MUC5AC: variants seen among roughly 807,000 people sequenced by gnomAD.
MUC5AC encodes mucin 5AC, oligomeric mucus/gel-forming, also known as mucin-5AC.
Under a neutral mutation model 169.7 loss-of-function variants are expected in MUC5AC, and 158 were observed. The observed-to-expected ratio is 0.93, with a 90% CI of 0.82 to 1.06. The LOEUF (loss-of-function observed/expected upper bound fraction) is 1.06, where lower values mean the gene tolerates loss of function less well. Ranked by LOEUF, MUC5AC falls within the 50% of genes least tolerant of loss-of-function variation. The pLI is 0.00. For missense variants in MUC5AC, 4,359 were observed against 3,089.9 expected (o/e 1.41, Z -9.74); for synonymous variants, 1,975 against 1,237.0 (o/e 1.60, Z -12.52).
In MUC5AC at chr11:1,185,957, A is replaced by G; in HGVS notation, c.7812A>G (p.Ile2604Met). Residue 2604 changes from isoleucine to methionine, a missense_variant, in exon 31 of 49, where the codon ATA (isoleucine) becomes ATG (methionine). Coordinates refer to ENST00000621226, the MANE Select transcript of MUC5AC (RefSeq NM_001304359.2). Reference sequence around the variant, plus strand: ...CCAGTGCTGTTCCCACCACCAGCATAACCTCTGCACCTACAACCAGCACAA... The same window carrying G: ...CCAGTGCTGTTCCCACCACCAGCATGACCTCTGCACCTACAACCAGCACAA... ...TTPSAVPTTS[I>M]TSAPTTSTNS... 2 of 738,880 alleles carry G rather than the reference A, an allele frequency of 2.7e-6. No individual in the cohort carries two copies. The highest frequency in any genetic ancestry group is 2.5e-6 in the Non-Finnish European group (1 of 404,942). The allele number at this position is 738,880 out of a possible 1,614,324, so 45.8% of individuals were successfully genotyped here.
At position 1,163,925 on chromosome 11, in the gene MUC5AC, G is replaced by T; in HGVS notation, c.723G>T (p.Met241Ile). The change falls in exon 7 of 49, where the codon ATG becomes ATT. Residue 241 changes from methionine to isoleucine, a missense_variant. By Grantham distance (10) the Met-to-Ile change is conservative. Coordinates refer to ENST00000621226, the MANE Select transcript of MUC5AC (RefSeq NM_001304359.2). ...TPMEFGNLQK[M>I]DDPTDQCQDP... Reference sequence around the variant, plus strand: ...TGGAATTCGGGAACCTGCAGAAGATGGACGACCCCACGGACCAGTGTCAGG... The same window carrying T: ...TGGAATTCGGGAACCTGCAGAAGATTGACGACCCCACGGACCAGTGTCAGG... 1 of 1,611,376 alleles carries T rather than the reference G, an allele frequency of 6.2e-7. No homozygotes were observed. Among genetic ancestry groups the T allele is most frequent in the Non-Finnish European group, 8.5e-7 (1 of 1,179,416 alleles).
At chr11:1,179,368 A>C in intron 26 of MUC5AC, 120 bp downstream of exon 26, 1 of 462,806 alleles carries the variant, frequency 2.2e-6, no homozygotes, top group Non-Finnish European at 3.8e-6. Context: ...AATAAACAGA[A>C]ACACCTGGGC....
rs372686872 is a variant in MUC5AC at position 1,194,190 on chromosome 11, G to T, written c.14836G>T (p.Val4946Leu). 1.3e-6 allele frequency: 1 copy of T among 765,080 alleles called. No homozygotes were observed. The highest frequency in any genetic ancestry group is 2.4e-6 in the Non-Finnish European group (1 of 417,864). The allele number at this position is 765,080 out of a possible 1,614,324, so 47.4% of individuals were successfully genotyped here. A position where few individuals can be genotyped will look rare whatever the true frequency, so the allele number is the denominator to read the frequency against. The change falls in exon 34 of 49, where the codon GTG becomes TTG. Residue 4946 changes from valine (V) to leucine (L), a missense_variant. Transcript: ENST00000621226. ...YYTFLDNCTY[V>L]LVQQIVPVYG... ...CACCTTCCTGGACAACTGCACGTACGTGCTGGTGCAGCAGATTGTGCCCGT... is the reference window on the plus strand; with the variant it reads ...CACCTTCCTGGACAACTGCACGTACTTGCTGGTGCAGCAGATTGTGCCCGT...
chr11:1,177,311 C>T lies in MUC5AC; in HGVS notation c.2874C>T (p.Thr958=). 1 of 457,728 alleles carries T rather than the reference C, an allele frequency of 2.2e-6. No homozygotes were observed. The highest frequency in any genetic ancestry group is 3.2e-5 in the Admixed American group (1 of 30,902). The allele number at this position is 457,728 out of a possible 1,614,324, so 28.4% of individuals were successfully genotyped here. A position where few individuals can be genotyped will look rare whatever the true frequency, so the allele number is the denominator to read the frequency against. Residue 958 remains threonine (T), a synonymous_variant, in exon 23 of 49, where the codon ACC becomes ACT. Coordinates refer to ENST00000621226, the MANE Select transcript of MUC5AC (RefSeq NM_001304359.2). The part of the protein sequence containing the change: ...TENVPCGTTG[T]TCSKAIKIFL... Reference sequence around the variant, plus strand: ...ACGTCCCCTGCGGCACCACAGGGACCACCTGCTCCAAGGCCATCAAGATTT... The same window carrying T: ...ACGTCCCCTGCGGCACCACAGGGACTACCTGCTCCAAGGCCATCAAGATTT...
At chr11:1,171,538 C>CACGA (rs1860536754) in intron 15 of MUC5AC, among the ~76,000 whole-genome samples, 1 of 143,352 alleles carries the variant, frequency 7.0e-6, no homozygotes, top group African/African-American at 2.6e-5. Flanking sequence ...CTCACCCACT[C>CACGA]ACTCACCTAC....
Position 1,188,468 on chromosome 11 carries a change from C to G in MUC5AC, c.10323C>G (p.Ser3441=). 1 of 648,802 alleles carries G rather than the reference C, an allele frequency of 1.5e-6. No individual in the cohort carries two copies. The highest frequency in any genetic ancestry group is 1.8e-5 in the African/African-American group (1 of 55,616). The allele number at this position is 648,802 out of a possible 1,614,324, so 40.2% of individuals were successfully genotyped here. ...ISAPTTSTTS[S]PTTSTTSATT... ...CCCCTACAACCAGCACAACCTCTTC[C>G]CCTACAACCAGCACAACCTCTGCTA... Residue 3441 remains serine (S), a synonymous_variant, in exon 31 of 49, where the codon TCC becomes TCG. Transcript: ENST00000621226.
At position 1,168,945 on chromosome 11, in the gene MUC5AC, T is replaced by G. The variant is rs369036603; in HGVS notation, c.1789T>G (p.Phe597Val). The G allele has an allele frequency of 8.7e-6, 14 of 1,611,486 alleles. No individual in the cohort carries two copies. The Admixed American group carries it at 1.7e-4, about 19-fold the overall frequency. ...GVVEATAAAFFNTFKTQAACP... is the reference protein window; with the variant it reads ...GVVEATAAAFVNTFKTQAACP... ...GGTGGAGGCCACCGCTGCGGCCTTC[T>G]TCAACACCTTCAAGACCCAGGCCGC... The change falls in exon 15 of 49, where the codon TTC becomes GTC. Residue 597 changes from phenylalanine (F) to valine (V), a missense_variant. By Grantham distance (50) the Phe-to-Val change is conservative. Transcript: ENST00000621226.
In MUC5AC at chr11:1,162,043, G is replaced by A. The variant is rs771694004; in HGVS notation, c.348G>A (p.Glu116=). 6.2e-7 allele frequency: 1 copy of A among 1,612,496 alleles called. No homozygotes were observed. Among genetic ancestry groups the A allele is most frequent in the African/African-American group, 1.3e-5 (1 of 74,922 alleles). The stretch of plus-strand genomic sequence containing the variant: ...CCGAGCACTGCGGTGCCGCCTACGA[G>A]GATTTTAACATCCAGCTACGCCGCA... ...VFSEHCGAAY[E]DFNIQLRRSQ... is the part of the protein sequence containing the mutation. The change falls in exon 4 of 49, where the codon GAG becomes GAA. Residue 116 remains glutamate (E), a synonymous_variant. Transcript: ENST00000621226.
chr11:1,162,384 C>T, intron 4 of MUC5AC, 148 bp from the exon 5 acceptor site: 2 of 1,018,724 alleles, frequency 2.0e-6, no homozygotes, highest in Non-Finnish European at 2.9e-6. Flanking sequence ...CTCCTCGTGA[C>T]CCCCGAGCTC....
At position 1,194,196 on chromosome 11, in the gene MUC5AC, G is replaced by C. The variant is rs1454634701; in HGVS notation, c.14842G>C (p.Val4948Leu). The C allele has an allele frequency of 1.3e-6, 1 of 765,078 alleles. No individual in the cohort carries two copies. The highest frequency in any genetic ancestry group is 1.3e-5 in the South Asian group (1 of 74,626). 47.4% of individuals were successfully genotyped at this position (765,078 alleles called of 1,614,324 possible). ...TFLDNCTYVL[V>L]QQIVPVYGHF... is the part of the protein sequence containing the mutation. ...CCTGGACAACTGCACGTACGTGCTG[G>C]TGCAGCAGATTGTGCCCGTGTATGG... The change falls in exon 34 of 49, where the codon GTG (valine) becomes CTG (leucine). Residue 4948 changes from valine (V) to leucine (L), a missense_variant. By Grantham distance (32) the Val-to-Leu change is conservative. Transcript: ENST00000621226.
chr11:1,170,988 CTACTCACTCA>C, intron 15 of MUC5AC, among the ~76,000 whole-genome samples: 1 of 90,034 alleles, frequency 1.1e-5, no homozygotes. Flanking sequence ...CCCCACTCAC[CTACTCACTCA>C]CCCACTCACC....
In MUC5AC at chr11:1,161,583, C is replaced by A; in HGVS notation, c.208C>A (p.Arg70=). The A allele has an allele frequency of 6.2e-7, 1 of 1,609,798 alleles. No homozygotes were observed. Among genetic ancestry groups the A allele is most frequent in the Non-Finnish European group, 8.5e-7 (1 of 1,178,040 alleles). ...FPSLRTIPVV[R]ASNPAHNGRV... is the part of the protein sequence containing the mutation. ...ATCTCTGAGGACCATCCCTGTGGTA[C>A]GAGGTGAGTGGAGCCCGGAGGCCTG... The change falls in exon 3 of 49, where the codon CGA becomes AGA. Residue 70 remains arginine (R), a synonymous_variant. Transcript: ENST00000621226.
Position 1,196,927 on chromosome 11 carries a change from C to T in MUC5AC, c.15861+19C>T, listed in dbSNP as rs769950072. 9.2e-6 allele frequency: 7 copies of T among 760,258 alleles called. No homozygotes were observed. In the South Asian group the frequency reaches 9.5e-5, roughly 10 times the overall value. 47.1% of individuals were successfully genotyped at this position (760,258 alleles called of 1,614,324 possible). On this transcript the variant is annotated intron_variant, in intron 40 of 48. Transcript: ENST00000621226. The stretch of plus-strand genomic sequence containing the variant: ...GGTGAAGGTGAGTGGAAGGCATGGC[C>T]CAAGAGGGCACTGGGGTCCAAGAGC...
chr11:1,194,016 G>C, intron 33 of MUC5AC, 94 bp from the exon 34 acceptor site: 1 of 703,958 alleles, frequency 1.4e-6, no homozygotes, highest in Non-Finnish European at 2.6e-6. Context: ...GACGGTGGGG[G>C]GTCAGGGACA....
intron 48 of MUC5AC, 134 bp from the exon 49 acceptor site, chr11:1,200,304 G>A: frequency 1.7e-6 from 1 of 601,248 alleles, no homozygotes; most frequent in Non-Finnish European, 3.0e-6. Context: ...AAGGAGAGCT[G>A]GTTGTCAGAC....
rs770642575 is a variant in MUC5AC, at chr11:1,165,293, C to A, written c.1130-9C>A. 1.9e-6 allele frequency: 3 copies of A among 1,609,750 alleles called. No homozygotes were observed. Among genetic ancestry groups the A allele is most frequent in the South Asian group, 1.1e-5 (1 of 90,776 alleles). On this transcript the variant is annotated splice_polypyrimidine_tract_variant and intron_variant, in intron 9 of 48. Transcript: ENST00000621226. ...AGGCGCCCGTCATAGGCCTGCCTGA[C>A]CCCTGCAGGGACGGTGCTTGACGAC...
chr11:1,169,343 G>A (rs62653083), intron 15 of MUC5AC, among the ~76,000 whole-genome samples: 6 of 149,108 alleles, frequency 4.0e-5, no homozygotes, highest in Non-Finnish European at 7.5e-5. Context: ...TCACCCACCC[G>A]TTCACCCATT....
In MUC5AC at chr11:1,190,752, T is replaced by C; in HGVS notation, c.12607T>C (p.Ser4203Pro). 1 of 703,590 alleles carries C rather than the reference T, an allele frequency of 1.4e-6. No individual in the cohort carries two copies. The highest frequency in any genetic ancestry group is 2.6e-6 in the Non-Finnish European group (1 of 385,796). 43.6% of individuals were successfully genotyped at this position (703,590 alleles called of 1,614,324 possible). A position where few individuals can be genotyped will look rare whatever the true frequency, so the allele number is the denominator to read the frequency against. ...TISSPTSSTT[S>P]TPQTSKTSAA... is the part of the protein sequence containing the mutation. ...CTCTTCCCCTACAAGCAGCACAACCTCCACTCCACAGACCAGCAAAACCTC... is the reference window on the plus strand; with the variant it reads ...CTCTTCCCCTACAAGCAGCACAACCCCCACTCCACAGACCAGCAAAACCTC... Residue 4203 changes from serine to proline, a missense_variant, in exon 31 of 49, where the codon TCC becomes CCC. Coordinates refer to ENST00000621226, the MANE Select transcript of MUC5AC (RefSeq NM_001304359.2).
In MUC5AC at chr11:1,194,302, A is replaced by G. The variant is rs1205092052; in HGVS notation, c.14948A>G (p.Tyr4983Cys). The G allele has an allele frequency of 8.0e-6, 6 of 750,708 alleles. No individual in the cohort carries two copies. The East Asian group carries it at 1.5e-4, about 19-fold the overall frequency. The allele number at this position is 750,708 out of a possible 1,614,324, so 46.5% of individuals were successfully genotyped here. The change falls in exon 34 of 49, where the codon TAC becomes TGC. Residue 4983 changes from tyrosine to cysteine, a missense_variant. Transcript: ENST00000621226. ...TGCCCGAGGTCCATCATCCTGGAGT[A>G]CCACCAGGACCGCGTGGTGCTGACC... is the stretch of plus-strand genomic sequence containing the variant. The part of the protein sequence containing the change: ...LSCPRSIILE[Y>C]HQDRVVLTRK...
Sources: gnomAD v4.1 joint callset for allele counts (sites outside exome capture counted in the v4.1 genomes callset) on GRCh38, gnomAD v4.1.1 for gene constraint, MANE v1.5 for transcripts, NCBI Gene and HGNC (gene_info 2026-07-23, HGNC 2026-07-21) for gene names.